Variants in RBFOX3 observed in about 807,000 individuals in gnomAD.
RBFOX3 encodes the protein RNA binding protein fox-1 homolog 3.
Under a neutral mutation model 48.7 loss-of-function variants are expected in RBFOX3, and 17 were observed. The ratio of observed to expected loss-of-function variants is 0.35; its 90% CI spans 0.24 to 0.52. The LOEUF is 0.52. RBFOX3 is among the 20% of genes least tolerant of loss of function. RBFOX3 has a pLI of 0.94. For missense variants in RBFOX3, 382 were observed against 497.5 expected (o/e 0.77, Z 2.21); for synonymous variants, 212 against 209.5 (o/e 1.01, Z -0.10).
At chr17:79,211,325 C>T (rs2058352622) in intron 4 of RBFOX3, among the ~76,000 whole-genome samples, 1 of 152,242 alleles carries the variant, frequency 6.6e-6, no homozygotes, top group Non-Finnish European at 1.5e-5. Flanking sequence ...CAACGCCAGC[C>T]TCCGCCACCT....
At chr17:79,314,647 C>T (rs951359021) in intron 2 of RBFOX3, among the ~76,000 whole-genome samples, 7 of 133,020 alleles carry the variant, frequency 5.3e-5, no homozygotes, top group South Asian at 5.2e-4. Flanking sequence ...ATAAAAGGAA[C>T]GTATCAGAAA....
chr17:79,615,004 C>A (rs1296884877), upstream of RBFOX3, among the ~76,000 whole-genome samples: 6 of 149,948 alleles, frequency 4.0e-5, no homozygotes, highest in East Asian at 1.2e-3. Flanking sequence ...AAATTGTCCA[C>A]AAAATCGATG....
At chr17:79,409,341 G>A (rs2063961369) in intron 2 of RBFOX3, among the ~76,000 whole-genome samples, 1 of 152,310 alleles carries the variant, frequency 6.6e-6, no homozygotes, top group Admixed American at 6.5e-5. Flanking sequence ...AGCCCCCACT[G>A]CAGTCTTTTT....
the RBFOX3 span, among the ~76,000 whole-genome samples, chr17:79,633,104 C>G: frequency 6.6e-6 from 1 of 152,250 alleles, no homozygotes; most frequent in South Asian, 2.1e-4. Flanking sequence ...GAGCTGTCGG[C>G]CCATGTTGGC....
intron 6 of RBFOX3, among the ~76,000 whole-genome samples, chr17:79,105,104 T>C (rs1407134235): frequency 6.6e-6 from 1 of 152,184 alleles, no homozygotes; most frequent in Non-Finnish European, 1.5e-5. Flanking sequence ...AAGCCTGCAG[T>C]GCAGGCAACT....
intron 1 of RBFOX3, among the ~76,000 whole-genome samples, chr17:79,516,997 T>C (rs1316256770): frequency 1.3e-5 from 2 of 151,952 alleles, no homozygotes; most frequent in African/African-American, 2.4e-5. Flanking sequence ...CGGTGTTTCA[T>C]AGGGGCCGAG....
At chr17:79,445,906 G>A (rs2072173530) in intron 2 of RBFOX3, among the ~76,000 whole-genome samples, 1 of 152,214 alleles carries the variant, frequency 6.6e-6, no homozygotes, top group Non-Finnish European at 1.5e-5. Context: ...AACCAGGGGT[G>A]GGTTTGCCCC....
In RBFOX3 at chr17:79,242,231, G is replaced by C. The variant is rs112295189; in HGVS notation, c.-73-6426C>G. 6.6e-6 allele frequency among the ~76,000 whole-genome samples: 1 copy of C among 152,128 alleles called. No homozygotes were observed. The highest frequency in any genetic ancestry group is 2.1e-4 in the South Asian group (1 of 4,824). On this transcript the variant is annotated intron_variant, in intron 3 of 14. Transcript: ENST00000693108. The surrounding 1 kb of genome is among the most constrained non-coding windows in gnomAD (Gnocchi z 5.8). ...AGGGGGTGCTACCTGAGGAGCCCCG[G>C]GGTGGGGGGCAGGCCGTATGGAGGG...
intron 2 of RBFOX3, among the ~76,000 whole-genome samples, chr17:79,328,792 T>C (rs374086112): frequency 6.6e-6 from 1 of 152,240 alleles, no homozygotes; most frequent in East Asian, 1.9e-4. Context: ...GGCCGTTTCC[T>C]GCACTTTGTA....
intron 1 of RBFOX3, among the ~76,000 whole-genome samples, chr17:79,563,450 C>T (rs945575515): frequency 3.3e-5 from 5 of 152,358 alleles, no homozygotes; most frequent in Admixed American, 6.5e-5. Flanking sequence ...GCAGCCACTT[C>T]TCAGCATGTT....
intron 2 of RBFOX3, among the ~76,000 whole-genome samples, chr17:79,319,582 C>G (rs1345942640): frequency 1.3e-5 from 2 of 151,720 alleles, no homozygotes; most frequent in African/African-American, 2.4e-5. Flanking sequence ...GCTGGGCCAG[C>G]TGTTCTTATC....
chr17:79,656,794 GAAAGAAAGAAAGA>G, the RBFOX3 span, among the ~76,000 whole-genome samples: 2,092 of 4,902 alleles, frequency 0.43, 116 homozygotes, highest in East Asian at 0.47. Flanking sequence ...AAGAAAGAAA[GAAAGAAAGAAAGA>G]AAAGAAAGAG....
chr17:79,492,178 G>A (rs1313351577), intron 1 of RBFOX3, among the ~76,000 whole-genome samples: 3 of 152,180 alleles, frequency 2.0e-5, no homozygotes, highest in African/African-American at 7.2e-5. Context: ...GGAATGTCGG[G>A]GAGGAGGGTT....
intron 2 of RBFOX3, among the ~76,000 whole-genome samples, chr17:79,351,704 T>C (rs898396624): frequency 6.6e-5 from 10 of 152,152 alleles, no homozygotes; most frequent in Admixed American, 5.2e-4. Context: ...TGGTGTTGAG[T>C]TGTAGTTCCT....
intron 4 of RBFOX3, chr17:79,136,021 G>C (rs560490134): frequency 1.3e-5 from 2 of 152,260 alleles, no homozygotes; most frequent in African/African-American, 4.8e-5. Flanking sequence ...TTCCTAGCTA[G>C]GCGGAGGCCT....
intron 3 of RBFOX3, among the ~76,000 whole-genome samples, chr17:79,263,537 C>T (rs939110274): frequency 6.6e-6 from 1 of 152,160 alleles, no homozygotes; most frequent in Non-Finnish European, 1.5e-5. Context: ...GGAGTGGCCA[C>T]TGGAGAGGAG....
At chr17:79,574,037 C>T (rs1322174469) in intron 1 of RBFOX3, among the ~76,000 whole-genome samples, 1 of 152,166 alleles carries the variant, frequency 6.6e-6, no homozygotes, top group Non-Finnish European at 1.5e-5. Context: ...AGAAGGTGGG[C>T]TGGCCCTCAA....
chr17:79,611,318 A>C (rs2093968309), upstream of RBFOX3, among the ~76,000 whole-genome samples: 4 of 147,240 alleles, frequency 2.7e-5, no homozygotes, highest in African/African-American at 1.1e-4. Flanking sequence ...GCGGCATGGG[A>C]GGGGGCTCTG....
chr17:79,146,547 C>A (rs2043076518), intron 4 of RBFOX3, among the ~76,000 whole-genome samples: 1 of 152,236 alleles, frequency 6.6e-6, no homozygotes, highest in South Asian at 2.1e-4. Flanking sequence ...ACCCTACATG[C>A]CATCCTGGTT....
Sources: allele counts gnomAD v4.1 joint callset (sites outside exome capture counted in the v4.1 genomes callset), GRCh38; gene constraint gnomAD v4.1.1; non-coding constraint Gnocchi (gnomAD v3.1); transcripts MANE v1.5; gene names NCBI Gene and HGNC (gene_info 2026-07-23, HGNC 2026-07-21).